KLF12: variants seen among roughly 807,000 people sequenced by gnomAD.
KLF12 encodes the protein KLF transcription factor 12.
In KLF12, 9 loss-of-function variants were observed where a neutral mutation model predicts 37.8. The observed-to-expected ratio is 0.24, with a 90% CI of 0.14 to 0.42. The LOEUF (loss-of-function observed/expected upper bound fraction) is 0.42. Among genes scored for constraint, KLF12 ranks in the 10% least tolerant of loss-of-function variants. KLF12 has a pLI of 1.00. For synonymous variants in KLF12, 208 were observed against 202.1 expected, an observed-to-expected ratio of 1.03 and a Z score of -0.25; for missense variants, 411 against 516.0, an observed-to-expected ratio of 0.80 and a Z score of 1.97.
intron 6 of KLF12, among the ~76,000 whole-genome samples, chr13:73,739,062 C>T (rs1378280053): frequency 5.3e-5 from 8 of 152,020 alleles, no homozygotes; most frequent in Non-Finnish European, 4.4e-5. Context: ...TGATGAAACC[C>T]TGTCTCTACT....
intron 4 of KLF12, among the ~76,000 whole-genome samples, chr13:73,825,725 C>G (rs1028435719): frequency 3.3e-5 from 5 of 150,038 alleles, no homozygotes; most frequent in African/African-American, 1.2e-4. Flanking sequence ...TGAAAAAAAA[C>G]AGAGAAATTC....
intron 2 of KLF12, among the ~76,000 whole-genome samples, chr13:73,974,957 T>C (rs1327623630): frequency 3.3e-5 from 5 of 152,214 alleles, no homozygotes; most frequent in Admixed American, 6.5e-5. Context: ...AAGTTCTACA[T>C]TAGCAGTTAG....
At chr13:73,744,365 G>T (rs1878218129) in intron 6 of KLF12, among the ~76,000 whole-genome samples, 1 of 152,140 alleles carries the variant, frequency 6.6e-6, no homozygotes, top group Admixed American at 6.6e-5. Context: ...ATGTCGCAAG[G>T]GTTGGTTGTG....
intron 2 of KLF12, among the ~76,000 whole-genome samples, chr13:73,945,446 G>C (rs778266708): frequency 6.7e-6 from 1 of 149,584 alleles, no homozygotes; most frequent in Non-Finnish European, 1.5e-5. Flanking sequence ...TCCAGCCTGG[G>C]GAACAAGAGT....
intron 6 of KLF12, among the ~76,000 whole-genome samples, chr13:73,739,450 G>A (rs140127377): frequency 6.6e-6 from 1 of 152,144 alleles, no homozygotes; most frequent in African/African-American, 2.4e-5. Context: ...AAGGGAAATT[G>A]CAAAAGGGCT....
At chr13:73,743,742 C>T (rs1476477581) in intron 6 of KLF12, among the ~76,000 whole-genome samples, 5 of 152,142 alleles carry the variant, frequency 3.3e-5, no homozygotes, top group Non-Finnish European at 1.5e-5. Flanking sequence ...GCTTTGGTAT[C>T]AGCATGCTTC....
intron 1 of KLF12, among the ~76,000 whole-genome samples, chr13:74,130,635 G>C (rs1878208446): frequency 9.0e-6 from 1 of 110,912 alleles, no homozygotes; most frequent in Non-Finnish European, 2.0e-5. Context: ...GACAGAGTGA[G>C]ACCTCAACTC....
At chr13:74,005,923 G>A (rs1892399150) in intron 1 of KLF12, among the ~76,000 whole-genome samples, 1 of 152,128 alleles carries the variant, frequency 6.6e-6, no homozygotes, top group Admixed American at 6.5e-5. Context: ...ACTACTTCAA[G>A]TATTCTTTTT....
intron 1 of KLF12, among the ~76,000 whole-genome samples, chr13:74,055,006 G>C (rs760414477): frequency 4.0e-4 from 61 of 152,234 alleles, no homozygotes; most frequent in Admixed American, 1.6e-3. Flanking sequence ...CGATGAAGAA[G>C]GTAAGAAATT....
At chr13:73,893,684 A>C (rs1594220187) in intron 3 of KLF12, among the ~76,000 whole-genome samples, 1 of 152,104 alleles carries the variant, frequency 6.6e-6, no homozygotes, top group South Asian at 2.1e-4. Flanking sequence ...GCCCAGCCTA[A>C]TATTGATTGT....
At chr13:74,073,079 C>T (rs1874370496) in intron 1 of KLF12, among the ~76,000 whole-genome samples, 1 of 152,202 alleles carries the variant, frequency 6.6e-6, no homozygotes. Flanking sequence ...CTGCCTGCTG[C>T]CACGTTAAGA....
At chr13:74,172,493 T>C in the KLF12 span, among the ~76,000 whole-genome samples, 195 of 152,358 alleles carry the variant, frequency 1.3e-3, no homozygotes, top group African/African-American at 4.5e-3. Flanking sequence ...TTGCCCCATC[T>C]TTTGGCTGTT....
At chr13:74,295,381 A>G in the KLF12 span, among the ~76,000 whole-genome samples, 1 of 151,816 alleles carries the variant, frequency 6.6e-6, no homozygotes, top group Non-Finnish European at 1.5e-5. Context: ...CTGTGGAAAT[A>G]CTCTTCCTTC....
At chr13:73,708,890 A>G (rs1200537891) in intron 7 of KLF12, among the ~76,000 whole-genome samples, 2 of 152,222 alleles carry the variant, frequency 1.3e-5, no homozygotes, top group Non-Finnish European at 2.9e-5. Context: ...TTATTTAAAT[A>G]CTCTGTAAAC....
chr13:74,090,690 T>C (rs567571683), intron 1 of KLF12, among the ~76,000 whole-genome samples: 1 of 152,244 alleles, frequency 6.6e-6, no homozygotes, highest in South Asian at 2.1e-4. Context: ...TGTTTTTTGA[T>C]TGGGCTTTTC....
intron 2 of KLF12, among the ~76,000 whole-genome samples, chr13:73,976,572 C>A (rs190524362): frequency 1.3e-5 from 2 of 152,158 alleles, no homozygotes; most frequent in East Asian, 3.9e-4. Flanking sequence ...ATTTTCTAAT[C>A]CATTTTCTAT....
At chr13:74,085,520 C>T (rs1875224107) in intron 1 of KLF12, among the ~76,000 whole-genome samples, 1 of 152,204 alleles carries the variant, frequency 6.6e-6, no homozygotes, top group South Asian at 2.1e-4. Context: ...CTTGAGGTAG[C>T]TGCTGTTATT....
At chr13:73,919,096 T>A (rs1416680608) in intron 3 of KLF12, among the ~76,000 whole-genome samples, 3 of 152,198 alleles carry the variant, frequency 2.0e-5, no homozygotes, top group Non-Finnish European at 4.4e-5. Flanking sequence ...AACTTGTAAC[T>A]ACCCAGGAGC....
chr13:73,828,169 C>T (rs1175143286), intron 4 of KLF12, among the ~76,000 whole-genome samples: 1 of 152,074 alleles, frequency 6.6e-6, no homozygotes, highest in Non-Finnish European at 1.5e-5. Flanking sequence ...GCATTGCTTT[C>T]TGGCATCTGT....
Sources: allele counts gnomAD v4.1 joint callset (sites outside exome capture counted in the v4.1 genomes callset), GRCh38; gene constraint gnomAD v4.1.1; transcripts MANE v1.5; gene names NCBI Gene and HGNC (gene_info 2026-07-23, HGNC 2026-07-21).